The following ZNF568 variants were observed in gnomAD, a reference collection of about 807,000 sequenced individuals.
The protein encoded by ZNF568 is p53 inhibitor of SCO2 activation.
A neutral mutation model predicts 18.1 loss-of-function variants in ZNF568; 11 were observed. The ratio of observed to expected loss-of-function variants is 0.61; its 90% CI spans 0.38 to 1.00. The LOEUF is 1.00. Ranked by LOEUF, ZNF568 falls within the 50% of genes least tolerant of loss-of-function variation. ZNF568 has a pLI of 0.01. For missense variants in ZNF568, 639 were observed against 768.2 expected, an observed-to-expected ratio of 0.83 and a Z score of 1.99; for synonymous variants, 213 against 246.6, an observed-to-expected ratio of 0.86 and a Z score of 1.28.
chr19:36,965,297 G>A (rs942685610), intron 6 of ZNF568, among the ~76,000 whole-genome samples: 1 of 152,126 alleles, frequency 6.6e-6, no homozygotes, highest in African/African-American at 2.4e-5. Flanking sequence ...CCTTCCATGT[G>A]AGGACAACCA....
chr19:36,924,312 G>C (rs566432016), intron 3 of ZNF568, among the ~76,000 whole-genome samples: 1 of 151,416 alleles, frequency 6.6e-6, no homozygotes, highest in African/African-American at 2.4e-5. Flanking sequence ...TGCACTTTCC[G>C]GGTTCAAGCG....
chr19:36,971,626 G>A (rs2074236096), intron 6 of ZNF568, among the ~76,000 whole-genome samples: 6 of 151,856 alleles, frequency 4.0e-5, no homozygotes, highest in Admixed American at 3.9e-4. Context: ...TTTTTGAGAC[G>A]CAGTCTCGCT....
chr19:36,970,505 C>T (rs539373522), intron 6 of ZNF568, among the ~76,000 whole-genome samples: 11 of 151,966 alleles, frequency 7.2e-5, no homozygotes, highest in South Asian at 4.2e-4. Flanking sequence ...CCACCACATC[C>T]GGCTAATCTT....
chr19:36,931,217 G>A (rs1286583571), intron 4 of ZNF568, among the ~76,000 whole-genome samples: 1 of 152,148 alleles, frequency 6.6e-6, no homozygotes, highest in African/African-American at 2.4e-5. Context: ...GGTAAAGGGT[G>A]TAAGCAAATT....
chr19:36,955,248 T>TTTTG (rs777475646), downstream of ZNF568, among the ~76,000 whole-genome samples: 26 of 152,254 alleles, frequency 1.7e-4, no homozygotes, highest in East Asian at 3.9e-4. Flanking sequence ...TTTTAATGTT[T>TTTTG]TTTGTTTGTT....
rs1319267611 is a variant in ZNF568, at chr19:36,974,373, A to T, written c.359-47A>T. The T allele has an allele frequency of 7.9e-6, 12 of 1,525,296 alleles. No homozygotes were observed. The Admixed American group carries it at 2.0e-4, about 25-fold the overall frequency. 94.5% of individuals were successfully genotyped at this position (1,525,296 alleles called of 1,614,324 possible). A position where few individuals can be genotyped will look rare whatever the true frequency, so the allele number is the denominator to read the frequency against. On this transcript the variant is annotated intron_variant, in intron 6 of 7. Coordinates refer to the ZNF568 transcript ENST00000427117. ...GTTTGGCCTCCCAAGGGGTTCAGGG[A>T]GGGATTCAGGATGGCTTCTTAACGT...
At chr19:36,925,515 C>T (rs1026122300) in intron 4 of ZNF568, among the ~76,000 whole-genome samples, 2 of 151,962 alleles carry the variant, frequency 1.3e-5, no homozygotes, top group South Asian at 2.1e-4. Context: ...AAGTTTATTC[C>T]GTAAGTCCAT....
At chr19:36,976,039 G>A (rs1644651) in intron 7 of ZNF568, among the ~76,000 whole-genome samples, 85,662 of 151,912 alleles carry the variant, frequency 0.56, 25,014 homozygotes, top group African/African-American at 0.69. Context: ...CTTTATCTCC[G>A]GATAGTTTTT....
intron 4 of ZNF568, among the ~76,000 whole-genome samples, chr19:36,932,482 T>C (rs1436301348): frequency 6.6e-6 from 1 of 151,980 alleles, no homozygotes; most frequent in Non-Finnish European, 1.5e-5. Context: ...CCTAGCTACT[T>C]GGGAAGCTGA....
At chr19:36,941,388 C>T (rs1313854908) in intron 6 of ZNF568, among the ~76,000 whole-genome samples, 3 of 152,202 alleles carry the variant, frequency 2.0e-5, no homozygotes, top group African/African-American at 7.2e-5. Flanking sequence ...GCTGTTAACA[C>T]ACTGTGGTGA....
At chr19:36,936,526 C>A in intron 4 of ZNF568, 1 of 328,538 alleles carries the variant, frequency 3.0e-6, no homozygotes, top group East Asian at 4.8e-5. Context: ...ATTTATTTTA[C>A]CTGGAGTTCA....
chr19:36,918,708 T>C (rs2073396719), intron 2 of ZNF568, among the ~76,000 whole-genome samples: 3 of 152,214 alleles, frequency 2.0e-5, no homozygotes, highest in Non-Finnish European at 2.9e-5. Context: ...ATTCACATTG[T>C]TATGGTACCG....
downstream of ZNF568, among the ~76,000 whole-genome samples, chr19:36,983,556 T>C (rs1376715924): frequency 1.3e-5 from 2 of 152,202 alleles, no homozygotes; most frequent in Non-Finnish European, 2.9e-5. Flanking sequence ...AAGAATGTTA[T>C]TTGAATTGAG....
chr19:36,952,608 A>T lies in ZNF568; in HGVS notation c.*1520A>T, dbSNP rs1164391583. On this transcript the variant is annotated 3_prime_UTR_variant, in exon 7 of 7. Transcript: ENST00000333987. ...GGATACACACCCAATTATTGATAGC[A>T]TTGTCTCTGGAGATTGAATTTGAGG... 1 of 170,976 alleles carries T rather than the reference A, an allele frequency of 5.8e-6. No homozygotes were observed. Among genetic ancestry groups the T allele is most frequent in the African/African-American group, 2.4e-5 (1 of 41,766 alleles). The allele number at this position is 170,976 out of a possible 1,614,324, so 10.6% of individuals were successfully genotyped here.
rs60600732 is a variant in ZNF568 at position 36,929,945 on chromosome 19, G to GTT, written c.135+4701_135+4702dup. 5.1e-3 allele frequency among the ~76,000 whole-genome samples: 725 copies of GTT among 143,200 alleles called. 8 individuals are homozygous for GTT. The highest frequency in any genetic ancestry group is 0.016 in the African/African-American group (635 of 39,582). 93.9% of individuals were successfully genotyped at this position (143,200 alleles called of 152,430 possible). On this transcript the variant is annotated intron_variant, in intron 4 of 6. Transcript: ENST00000333987. The stretch of plus-strand genomic sequence containing the variant: ...TTGCCAGGGGCAGAAGCGTGTTCAT[G>GTT]TTTTTTTTTTTTTTTGGTTCTGTTT...
At position 36,991,320 on chromosome 19, in the gene ZNF568, G is replaced by C. The variant is rs746183975; in HGVS notation, c.133+21G>C. On this transcript the variant is annotated intron_variant, in intron 3 of 4. Coordinates refer to the ZNF568 transcript ENST00000433993. ...ACTGGGTAACTTTATCTGCCCCTCCGTACACCCCCTGCCCCGCCAAACACA... is the reference window on the plus strand; with the variant it reads ...ACTGGGTAACTTTATCTGCCCCTCCCTACACCCCCTGCCCCGCCAAACACA... 16 of 1,521,400 alleles carry C rather than the reference G, an allele frequency of 1.1e-5. No individual in the cohort carries two copies. In the Admixed American group the frequency reaches 1.6e-4, roughly 15 times the overall value. 94.2% of individuals were successfully genotyped at this position (1,521,400 alleles called of 1,614,324 possible). A position where few individuals can be genotyped will look rare whatever the true frequency, so the allele number is the denominator to read the frequency against.
chr19:36,927,862 A>ATG (rs2073587769), intron 4 of ZNF568, among the ~76,000 whole-genome samples: 1 of 44,660 alleles, frequency 2.2e-5, no homozygotes, highest in Non-Finnish European at 3.2e-5. Context: ...GTGTGTGTGT[A>ATG]TATATATATA....
At chr19:36,968,071 A>G (rs1239158666) in intron 6 of ZNF568, among the ~76,000 whole-genome samples, 1 of 152,208 alleles carries the variant, frequency 6.6e-6, no homozygotes, top group Non-Finnish European at 1.5e-5. Context: ...GATGTCCTAC[A>G]AAGCATATAA....
intron 6 of ZNF568, among the ~76,000 whole-genome samples, chr19:36,942,214 C>T (rs1017939442): frequency 6.6e-6 from 1 of 151,550 alleles, no homozygotes; most frequent in African/African-American, 2.4e-5. Context: ...ACTCCTGACT[C>T]ACCTCGGTCT....
Sources: gnomAD v4.1 joint callset for allele counts (sites outside exome capture counted in the v4.1 genomes callset) on GRCh38, gnomAD v4.1.1 for gene constraint, MANE v1.5 for transcripts, NCBI Gene and HGNC (gene_info 2026-07-23, HGNC 2026-07-21) for gene names.